NEGR1: variants seen among roughly 807,000 people sequenced by gnomAD.
NEGR1 encodes IgLON family member 4.
A neutral mutation model predicts 40.9 loss-of-function variants in NEGR1; 10 were observed. The observed-to-expected ratio is 0.24, with a 90% CI of 0.15 to 0.42. The LOEUF (loss-of-function observed/expected upper bound fraction) is 0.42. Ranked by LOEUF, NEGR1 falls within the 10% of genes least tolerant of loss-of-function variation. The pLI, the probability that NEGR1 is intolerant of heterozygous loss-of-function variation, is 1.00. For missense variants in NEGR1, 352 were observed against 438.9 expected, an observed-to-expected ratio of 0.80 and a Z score of 1.77; for synonymous variants, 185 against 166.8, an observed-to-expected ratio of 1.11 and a Z score of -0.84.
intron 6 of NEGR1, among the ~76,000 whole-genome samples, chr1:71,553,055 A>T (rs1301768600): frequency 3.6e-5 from 5 of 138,356 alleles, no homozygotes; most frequent in Admixed American, 6.9e-5. Flanking sequence ...TAAAAATGTT[A>T]AAAAAAACCT....
intron 3 of NEGR1, among the ~76,000 whole-genome samples, chr1:71,712,359 G>A (rs1185033900): frequency 2.0e-5 from 3 of 152,146 alleles, no homozygotes; most frequent in South Asian, 4.1e-4. Context: ...AGTTTTAGGA[G>A]TATTCTAATT....
intron 6 of NEGR1, among the ~76,000 whole-genome samples, chr1:71,445,700 A>C (rs186487813): frequency 6.6e-6 from 1 of 152,322 alleles, no homozygotes; most frequent in African/African-American, 2.4e-5. Flanking sequence ...TTAAATAAAA[A>C]TAGAAAGCCC....
At chr1:71,757,505 T>A (rs1052605104) in intron 3 of NEGR1, among the ~76,000 whole-genome samples, 1 of 152,146 alleles carries the variant, frequency 6.6e-6, no homozygotes, top group East Asian at 1.9e-4. Context: ...TTTATTCTAA[T>A]GCCAACCGCT....
intron 2 of NEGR1, among the ~76,000 whole-genome samples, chr1:71,882,620 TA>T: frequency 6.6e-6 from 1 of 151,640 alleles, no homozygotes; most frequent in Non-Finnish European, 1.5e-5. Flanking sequence ...TGAAATTTAA[TA>T]AGGCTTAAAA....
chr1:71,985,817 A>G (rs1012052478), intron 1 of NEGR1, among the ~76,000 whole-genome samples: 3 of 152,176 alleles, frequency 2.0e-5, no homozygotes, highest in African/African-American at 7.2e-5. Flanking sequence ...AGGATATTTA[A>G]TAGGCTTGTT....
At chr1:72,188,622 A>G (rs1652699001) in intron 1 of NEGR1, among the ~76,000 whole-genome samples, 1 of 151,464 alleles carries the variant, frequency 6.6e-6, no homozygotes, top group African/African-American at 2.4e-5. Context: ...ATCCTAGGAG[A>G]TATTTGTAAA....
At chr1:72,112,226 T>C (rs375532216) in intron 1 of NEGR1, among the ~76,000 whole-genome samples, 1 of 149,682 alleles carries the variant, frequency 6.7e-6, no homozygotes, top group East Asian at 2.0e-4. Flanking sequence ...TTTTTTTTAA[T>C]TTAGAATATT....
intron 1 of NEGR1, among the ~76,000 whole-genome samples, chr1:72,022,285 A>G (rs1646767293): frequency 6.9e-6 from 1 of 144,060 alleles, no homozygotes; most frequent in Admixed American, 6.9e-5. Flanking sequence ...ATATATATAT[A>G]TATATATATA....
intron 4 of NEGR1, among the ~76,000 whole-genome samples, chr1:71,628,361 G>A (rs1650857178): frequency 6.6e-6 from 1 of 151,896 alleles, no homozygotes; most frequent in Non-Finnish European, 1.5e-5. Context: ...ATAAATGAAT[G>A]CATTATGTCC....
chr1:71,592,943 T>C lies in NEGR1; in HGVS notation c.814A>G (p.Ile272Val), dbSNP rs756626917. 6.2e-6 allele frequency: 10 copies of C among 1,611,828 alleles called. No individual in the cohort carries two copies. Among genetic ancestry groups the C allele is most frequent in the Non-Finnish European group, 8.5e-6 (10 of 1,178,188 alleles). ...KKLFNGQQGI[I>V]IQNFSTRSIL... is the part of the protein sequence containing the mutation. ...GATCTTGTGCTAAAATTTTGAATAA[T>C]AATTCCTTGTTGGCCATTGAAGAGC... The change falls in exon 6 of 7, where the codon ATT (isoleucine) becomes GTT (valine). Residue 272 changes from isoleucine (I) to valine (V), a missense_variant. Physicochemically the swap from Ile to Val is conservative, Grantham distance 29 (BLOSUM62 3). Coordinates refer to ENST00000357731, the MANE Select transcript of NEGR1 (RefSeq NM_173808.3).
intron 2 of NEGR1, among the ~76,000 whole-genome samples, chr1:71,817,872 T>G (rs1658283938): frequency 6.6e-6 from 1 of 152,066 alleles, no homozygotes; most frequent in African/African-American, 2.4e-5. Context: ...CATGCATTGC[T>G]ATTGTGTTTT....
At chr1:71,415,146 T>TA (rs1285740840) in intron 6 of NEGR1, among the ~76,000 whole-genome samples, 1 of 151,850 alleles carries the variant, frequency 6.6e-6, no homozygotes, top group African/African-American at 2.4e-5. Flanking sequence ...TTTCATTTGA[T>TA]AAAAAAACAA....
intron 6 of NEGR1, among the ~76,000 whole-genome samples, chr1:71,541,401 TAAAG>T (rs1647699309): frequency 6.6e-6 from 1 of 151,514 alleles, no homozygotes; most frequent in South Asian, 2.1e-4. Context: ...GACTGACAAA[TAAAG>T]AAGCTGAAAA....
At chr1:72,282,102 A>G (rs1201781421) in intron 1 of NEGR1, among the ~76,000 whole-genome samples, 1 of 152,178 alleles carries the variant, frequency 6.6e-6, no homozygotes, top group African/African-American at 2.4e-5. Context: ...GCGTTCCGGC[A>G]AAGTGCTTTA....
At chr1:71,423,186 G>A (rs1002055330) in intron 6 of NEGR1, among the ~76,000 whole-genome samples, 3 of 152,030 alleles carry the variant, frequency 2.0e-5, no homozygotes, top group African/African-American at 4.8e-5. Context: ...CCAGGAGTTC[G>A]AGATCAGCCT....
intron 6 of NEGR1, among the ~76,000 whole-genome samples, chr1:71,408,325 A>G (rs969152770): frequency 1.3e-5 from 2 of 152,118 alleles, no homozygotes; most frequent in Non-Finnish European, 2.9e-5. Flanking sequence ...CTAGACAGGT[A>G]GAATGACCTC....
intron 2 of NEGR1, among the ~76,000 whole-genome samples, chr1:71,928,497 CATATGTAT>C (rs1645821593): frequency 7.4e-6 from 1 of 135,876 alleles, no homozygotes; most frequent in Non-Finnish European, 1.6e-5. Flanking sequence ...TATATATACA[CATATGTAT>C]ACATGTGTAT....
intron 1 of NEGR1, among the ~76,000 whole-genome samples, chr1:71,960,471 C>A (rs1646156161): frequency 6.6e-6 from 1 of 152,120 alleles, no homozygotes; most frequent in Non-Finnish European, 1.5e-5. Context: ...CTGATAAAAG[C>A]AACTGCATAT....
intron 1 of NEGR1, among the ~76,000 whole-genome samples, chr1:72,239,984 T>C (rs577320913): frequency 6.6e-6 from 1 of 151,916 alleles, no homozygotes; most frequent in East Asian, 1.9e-4. Context: ...CCCAAAATTT[T>C]TGCACCAAAG....
Sources: gnomAD v4.1 joint callset for allele counts (sites outside exome capture counted in the v4.1 genomes callset) on GRCh38, gnomAD v4.1.1 for gene constraint, MANE v1.5 for transcripts, NCBI Gene and HGNC (gene_info 2026-07-23, HGNC 2026-07-21) for gene names.